Variants in MTMR4 observed in about 807,000 individuals in gnomAD.
MTMR4 encodes phosphatidylinositol-3,5-bisphosphate 3-phosphatase MTMR4.
MTMR4 carries 30 observed loss-of-function variants against 125.5 expected under a neutral mutation model. That is an observed-to-expected ratio of 0.24 (90% CI 0.18 to 0.32). MTMR4 has a LOEUF of 0.32. Ranked by LOEUF, MTMR4 falls within the 10% of genes least tolerant of loss-of-function variation. The pLI is 1.00. For missense variants in MTMR4, 1,039 were observed against 1,511.5 expected, an observed-to-expected ratio of 0.69 and a Z score of 5.18; for synonymous variants, 498 against 564.5, an observed-to-expected ratio of 0.88 and a Z score of 1.67.
In MTMR4 at chr17:58,508,999, C is replaced by A. The variant is rs1975854849; in HGVS notation, c.336-158G>T. On this transcript the variant is annotated intron_variant, in intron 4 of 17. Coordinates refer to ENST00000682306, the MANE Select transcript of MTMR4 (RefSeq NM_001378067.1). The surrounding 1 kb of genome is among the most constrained non-coding windows in gnomAD (Gnocchi z 4.8). ...ACCCAGGGTGGGGGGACGAGGGACA[C>A]TGGCCAACACCCAACAGAAGTTGTC... 5 of 676,706 alleles carry A rather than the reference C, an allele frequency of 7.4e-6. No individual in the cohort carries two copies. Among genetic ancestry groups the A allele is most frequent in the South Asian group, 6.0e-5 (3 of 50,262 alleles). 41.9% of individuals were successfully genotyped at this position (676,706 alleles called of 1,614,324 possible). A position where few individuals can be genotyped will look rare whatever the true frequency, so the allele number is the denominator to read the frequency against.
At chr17:58,518,275 T>A (rs141020334), upstream of MTMR4, among the ~76,000 whole-genome samples, 52 of 152,278 alleles carry the variant, frequency 3.4e-4, no homozygotes, top group Non-Finnish European at 6.9e-4. Flanking sequence ...GTAGGTTACA[T>A]GCCTAAAGCC....
chr17:58,514,739 G>A (rs1598230431), upstream of MTMR4: 7 of 910,108 alleles, frequency 7.7e-6, no homozygotes, highest in Admixed American at 3.7e-4. Flanking sequence ...CTCCCTCCCC[G>A]CGGACCCTGG....
rs928305637 is a variant in MTMR4, at chr17:58,496,206, G to C, written c.1978C>G (p.Pro660Ala). 2 of 1,614,010 alleles carry C rather than the reference G, an allele frequency of 1.2e-6. No homozygotes were observed. The highest frequency in any genetic ancestry group is 2.7e-5 in the African/African-American group (2 of 74,904). ...HCQEVRVGLE[P>A]WHSNPEGSET... ...GATCCCTCAGGATTGCTGTGCCAGGGCTCCAGGCCTACCCTGACCTCCTGA... is the reference window on the plus strand; with the variant it reads ...GATCCCTCAGGATTGCTGTGCCAGGCCTCCAGGCCTACCCTGACCTCCTGA... Residue 660 changes from proline to alanine, a missense_variant, in exon 15 of 18, where the codon CCC becomes GCC. This residue lies in a region of MTMR4 where 619 missense variants were observed against 714.5 expected (regional missense o/e 0.87). Coordinates refer to ENST00000682306, the MANE Select transcript of MTMR4 (RefSeq NM_001378067.1).
At position 58,495,311 on chromosome 17, in the gene MTMR4, G is replaced by A; in HGVS notation, c.2873C>T (p.Ala958Val). Residue 958 changes from alanine to valine, a missense_variant, in exon 15 of 18, where the codon GCC becomes GTC. Ala to Val is a moderately conservative substitution (Grantham distance 64, BLOSUM62 0). This residue lies in a region of MTMR4 where 619 missense variants were observed against 714.5 expected (regional missense o/e 0.87). Transcript: ENST00000682306. ...SKRPNSKQMR[A>V]TGPCFGGQWA... Reference sequence around the variant, plus strand: ...CTGGCCCCCAAAGCAGGGCCCTGTGGCCCGCATCTGCTTACTGTTTGGCCT... The same window carrying A: ...CTGGCCCCCAAAGCAGGGCCCTGTGACCCGCATCTGCTTACTGTTTGGCCT... The A allele has an allele frequency of 2.5e-6, 4 of 1,614,214 alleles. No individual in the cohort carries two copies. Among genetic ancestry groups the A allele is most frequent in the Non-Finnish European group, 2.5e-6 (3 of 1,180,048 alleles).
In MTMR4 at chr17:58,490,611, A is replaced by C. The variant is rs1975290495; in HGVS notation, c.*1052T>G. On this transcript the variant is annotated 3_prime_UTR_variant, in exon 18 of 18. Coordinates refer to ENST00000682306, the MANE Select transcript of MTMR4 (RefSeq NM_001378067.1). The stretch of plus-strand genomic sequence containing the variant: ...CAAACAGCATATGCTAGGAGGTAAA[A>C]ACCAAACGCTAAATTCTACCCTCAA... 1 of 152,640 alleles carries C rather than the reference A, an allele frequency of 6.6e-6. No individual in the cohort carries two copies. The highest frequency in any genetic ancestry group is 2.1e-4 in the South Asian group (1 of 4,832). 9.5% of individuals were successfully genotyped at this position (152,640 alleles called of 1,614,324 possible).
chr17:58,507,957 TA>T (rs1251533340), intron 7 of MTMR4: 7 of 479,938 alleles, frequency 1.5e-5, no homozygotes, highest in South Asian at 4.3e-5. Flanking sequence ...ACACACACTC[TA>T]AAAAAAGGGG....
chr17:58,498,710 C>T (rs1424412776), intron 14 of MTMR4, among the ~76,000 whole-genome samples: 1 of 152,128 alleles, frequency 6.6e-6, no homozygotes, highest in African/African-American at 2.4e-5. Flanking sequence ...CCATCTTGAG[C>T]TGCCTACAAC....
chr17:58,511,584 C>T (rs1455154309), intron 3 of MTMR4, 73 bp from the exon 4 acceptor site: 58 of 1,270,702 alleles, frequency 4.6e-5, no homozygotes, highest in Non-Finnish European at 1.1e-5. Context: ...CTAGCGTAGG[C>T]ACTAATGTAT....
At chr17:58,518,972 C>A (rs1008716867), upstream of MTMR4, among the ~76,000 whole-genome samples, 1 of 152,202 alleles carries the variant, frequency 6.6e-6, no homozygotes, top group Non-Finnish European at 1.5e-5. Flanking sequence ...ACTACTTGAA[C>A]TCCAGGGTCT....
Position 58,509,767 on chromosome 17 carries a change from G to A in MTMR4, c.336-926C>T, listed in dbSNP as rs1056441097. 5.5e-4 allele frequency among the ~76,000 whole-genome samples: 84 copies of A among 152,078 alleles called. 1 individual carries two copies. The highest frequency in any genetic ancestry group is 5.4e-3 in the Admixed American group (83 of 15,256). On this transcript the variant is annotated intron_variant, in intron 4 of 17. Transcript: ENST00000682306. ...ATTTTCCCATAGCATATTGCCACATGTTAAATCTTCTTCCAGCAGCTAGAG... is the reference window on the plus strand; with the variant it reads ...ATTTTCCCATAGCATATTGCCACATATTAAATCTTCTTCCAGCAGCTAGAG...
At position 58,504,300 on chromosome 17, in the gene MTMR4, T is replaced by C. The variant is rs753291379; in HGVS notation, c.1527+3A>G. On this transcript the variant is annotated splice_donor_region_variant and intron_variant, in intron 12 of 17. Coordinates refer to ENST00000682306, the MANE Select transcript of MTMR4 (RefSeq NM_001378067.1). This position sits in a 1 kb window ranked among gnomAD's most constrained non-coding sequence, Gnocchi z 7.1. ...CCCTGTTGTCACAGGCCTTAGGACT[T>C]ACCAGGAATGCTTCATTAAATTCAA... 6.2e-7 allele frequency: 1 copy of C among 1,613,362 alleles called. No individual in the cohort carries two copies. Among genetic ancestry groups the C allele is most frequent in the Admixed American group, 1.7e-5 (1 of 60,002 alleles).
intron 14 of MTMR4, among the ~76,000 whole-genome samples, chr17:58,499,697 C>G (rs899666023): frequency 7.9e-5 from 12 of 151,764 alleles, no homozygotes; most frequent in Admixed American, 7.9e-4. Context: ...TCTCTGCTCA[C>G]TGCAAACTCC....
Position 58,495,260 on chromosome 17 carries a change from G to A in MTMR4, c.2924C>T (p.Ser975Leu), listed in dbSNP as rs376612881. The A allele has an allele frequency of 6.8e-6, 11 of 1,614,074 alleles. No individual in the cohort carries two copies. The African/African-American group carries it at 1.1e-4, about 16-fold the overall frequency. The stretch of plus-strand genomic sequence containing the variant: ...ATTGGAATGACTAGAACAGACAGGT[G>A]ACTTCACACCTTCTCTCTGAGCCCA... ...GQWAQREGVK[S>L]PVCSSHSNGH... The change falls in exon 15 of 18, where the codon TCA (serine) becomes TTA (leucine). Residue 975 changes from serine to leucine, a missense_variant. By Grantham distance (145) the Ser-to-Leu change is moderately radical. Coordinates refer to ENST00000682306, the MANE Select transcript of MTMR4 (RefSeq NM_001378067.1).
chr17:58,510,340 T>C (rs569093905), intron 4 of MTMR4, among the ~76,000 whole-genome samples: 15 of 152,278 alleles, frequency 9.9e-5, no homozygotes, highest in Non-Finnish European at 1.5e-5. Context: ...TCTCCCAATA[T>C]GCAGGCACAC....
intron 3 of MTMR4, 89 bp from the exon 4 acceptor site, chr17:58,511,600 G>T: frequency 9.0e-7 from 1 of 1,115,354 alleles, no homozygotes; most frequent in Non-Finnish European, 1.3e-6. Flanking sequence ...TGTATCAATA[G>T]CAGGAAGGAA....
At position 58,504,267 on chromosome 17, in the gene MTMR4, C is replaced by T. The variant is rs201164411; in HGVS notation, c.1527+36G>A. The stretch of plus-strand genomic sequence containing the variant: ...CACCTGGGGGCCTCGGGCTGTCATT[C>T]CCCCCATCCCTGTTGTCACAGGCCT... On this transcript the variant is annotated intron_variant, in intron 12 of 17. Transcript: ENST00000682306. The surrounding 1 kb of genome is among the most constrained non-coding windows in gnomAD (Gnocchi z 7.1). The T allele has an allele frequency of 8.6e-5, 138 of 1,603,604 alleles. 1 individual carries two copies. In the East Asian group the frequency reaches 2.6e-3, roughly 30 times the overall value.
At position 58,507,291 on chromosome 17, in the gene MTMR4, G is replaced by A; in HGVS notation, c.736C>T (p.Arg246Cys). Residue 246 changes from arginine to cysteine, a missense_variant, in exon 8 of 18, where the codon CGC (arginine) becomes TGC (cysteine). Transcript: ENST00000682306. ...RHLRNGAAIA[R>C]CSQPEISWWG... ...CAGCTGATCTCTGGCTGGCTGCAGCGGGCGATGGCAGCCCCATTGCGCAAG... is the reference window on the plus strand; with the variant it reads ...CAGCTGATCTCTGGCTGGCTGCAGCAGGCGATGGCAGCCCCATTGCGCAAG... The A allele has an allele frequency of 6.2e-7, 1 of 1,613,806 alleles. No homozygotes were observed.
intron 14 of MTMR4, among the ~76,000 whole-genome samples, chr17:58,500,234 C>A (rs944049812): frequency 6.6e-6 from 1 of 152,170 alleles, no homozygotes; most frequent in Non-Finnish European, 1.5e-5. Flanking sequence ...GCAAACAATC[C>A]TCCTACGTCA....
chr17:58,492,587 C>T lies in MTMR4; in HGVS notation c.3376G>A (p.Val1126Ile). Residue 1126 changes from valine to isoleucine, a missense_variant, in exon 17 of 18, where the codon GTT becomes ATT. Val to Ile is a conservative substitution (Grantham distance 29, BLOSUM62 3). Coordinates refer to ENST00000682306, the MANE Select transcript of MTMR4 (RefSeq NM_001378067.1). Reference protein sequence around the residue: ...DKKETEVTRWVPDHMASHCYN... With the variant: ...DKKETEVTRWIPDHMASHCYN... ...CAGTGTGATGCCATATGGTCTGGAA[C>T]CCAGCGAGTCACCTAATAGAAGGCA... is the stretch of plus-strand genomic sequence containing the variant. The T allele has an allele frequency of 6.2e-7, 1 of 1,613,940 alleles. No individual in the cohort carries two copies. Among genetic ancestry groups the T allele is most frequent in the Non-Finnish European group, 8.5e-7 (1 of 1,179,950 alleles).
Sources: allele counts gnomAD v4.1 joint callset (sites outside exome capture counted in the v4.1 genomes callset), GRCh38; gene constraint gnomAD v4.1.1; regional missense constraint gnomAD v4.1.1; non-coding constraint Gnocchi (gnomAD v3.1); transcripts MANE v1.5; gene names NCBI Gene and HGNC (gene_info 2026-07-23, HGNC 2026-07-21).